CEP128: variants seen among roughly 807,000 people sequenced by gnomAD.
The protein encoded by CEP128 is centrosomal protein 128, also known as centrosomal protein 128kDa.
Under a neutral mutation model 156.7 loss-of-function variants are expected in CEP128, and 132 were observed. The observed-to-expected ratio is 0.84, with a 90% CI of 0.73 to 0.97. The LOEUF (loss-of-function observed/expected upper bound fraction) is 0.97. Ranked by LOEUF, CEP128 falls within the 50% of genes least tolerant of loss-of-function variation. The pLI is 0.00. For synonymous variants in CEP128, 469 were observed against 448.9 expected (o/e 1.04, Z -0.57); for missense variants, 1,252 against 1,281.9 (o/e 0.98, Z 0.36).
At chr14:80,676,853 T>G (rs1015330913) in intron 19 of CEP128, among the ~76,000 whole-genome samples, 1 of 152,200 alleles carries the variant, frequency 6.6e-6, no homozygotes, top group Non-Finnish European at 1.5e-5. Context: ...TTAAAATATA[T>G]TTGCAGATCT....
At chr14:80,508,089 T>C (rs991665395) in intron 23 of CEP128, among the ~76,000 whole-genome samples, 1 of 152,008 alleles carries the variant, frequency 6.6e-6, no homozygotes, top group Admixed American at 6.6e-5. Context: ...CTAATTTTTG[T>C]ATTTTTAGTA....
chr14:80,531,336 G>A (rs1889217550), intron 21 of CEP128, among the ~76,000 whole-genome samples: 1 of 152,156 alleles, frequency 6.6e-6, no homozygotes, highest in South Asian at 2.1e-4. Flanking sequence ...AGAGTTCTCA[G>A]CAATTATTTC....
intron 21 of CEP128, among the ~76,000 whole-genome samples, chr14:80,549,653 T>G (rs1295073219): frequency 6.6e-6 from 1 of 152,194 alleles, no homozygotes; most frequent in Non-Finnish European, 1.5e-5. Flanking sequence ...ATTTACATTA[T>G]CAAGTCAGTT....
intron 21 of CEP128, among the ~76,000 whole-genome samples, chr14:80,540,462 A>G (rs1889705508): frequency 6.6e-6 from 1 of 152,196 alleles, no homozygotes; most frequent in Non-Finnish European, 1.5e-5. Context: ...CTTTGCGGGA[A>G]TGAATAGTGA....
At chr14:80,627,662 A>G (rs952747865) in intron 19 of CEP128, among the ~76,000 whole-genome samples, 1 of 152,146 alleles carries the variant, frequency 6.6e-6, no homozygotes, top group Non-Finnish European at 1.5e-5. Flanking sequence ...GCAGGTTTGG[A>G]AGAATAAAAT....
chr14:80,929,970 T>G (rs1201900986), intron 2 of CEP128, among the ~76,000 whole-genome samples: 2 of 152,158 alleles, frequency 1.3e-5, no homozygotes, highest in Admixed American at 6.5e-5. Flanking sequence ...TCATCTGTAT[T>G]TACAGCTGCC....
chr14:80,589,019 A>G (rs979764487), intron 19 of CEP128, among the ~76,000 whole-genome samples: 3 of 152,170 alleles, frequency 2.0e-5, no homozygotes, highest in African/African-American at 7.2e-5. Flanking sequence ...TATCTTTAAT[A>G]TAAAGATTAT....
At chr14:80,515,898 C>T (rs1331492008) in intron 23 of CEP128, among the ~76,000 whole-genome samples, 2 of 152,102 alleles carry the variant, frequency 1.3e-5, no homozygotes, top group South Asian at 2.1e-4. Flanking sequence ...GATGGAGTTT[C>T]GCTTTTGTTG....
chr14:80,534,222 G>C (rs1429686952), intron 21 of CEP128, among the ~76,000 whole-genome samples: 1 of 107,688 alleles, frequency 9.3e-6, no homozygotes, highest in Non-Finnish European at 1.8e-5. Flanking sequence ...GAATAACATT[G>C]CAACTTTTTT....
chr14:80,797,752 A>T (rs566987560), intron 13 of CEP128, among the ~76,000 whole-genome samples: 3 of 152,322 alleles, frequency 2.0e-5, no homozygotes, highest in Admixed American at 6.5e-5. Flanking sequence ...CATAGAGCAC[A>T]TAAGTGTACA....
intron 4 of CEP128, among the ~76,000 whole-genome samples, chr14:80,913,455 A>C (rs1457277413): frequency 6.6e-6 from 1 of 152,202 alleles, no homozygotes; most frequent in Non-Finnish European, 1.5e-5. Flanking sequence ...TATGCTTGTA[A>C]ATACATAGAA....
chr14:80,561,875 A>C (rs1890688904), intron 20 of CEP128, among the ~76,000 whole-genome samples: 1 of 142,434 alleles, frequency 7.0e-6, no homozygotes, highest in African/African-American at 2.7e-5. Flanking sequence ...AGACAACTCC[A>C]TTTTGTTGAA....
At chr14:80,723,010 T>C (rs1010082698) in intron 19 of CEP128, among the ~76,000 whole-genome samples, 1 of 151,966 alleles carries the variant, frequency 6.6e-6, no homozygotes, top group African/African-American at 2.4e-5. Context: ...GTATTTTTAG[T>C]AGAGACGGGG....
chr14:80,856,843 G>A (rs1401740191), intron 9 of CEP128, among the ~76,000 whole-genome samples: 3 of 141,844 alleles, frequency 2.1e-5, no homozygotes, highest in Non-Finnish European at 4.5e-5. Context: ...CTATTCTCGT[G>A]CCTCAGACTC....
chr14:80,545,361 C>T (rs1213659768), intron 21 of CEP128, among the ~76,000 whole-genome samples: 3 of 152,118 alleles, frequency 2.0e-5, no homozygotes, highest in Admixed American at 2.0e-4. Flanking sequence ...GATGAGAGAG[C>T]CAGTTTACAT....
At chr14:80,782,229 C>A (rs921800146) in intron 15 of CEP128, among the ~76,000 whole-genome samples, 3 of 152,158 alleles carry the variant, frequency 2.0e-5, no homozygotes, top group Non-Finnish European at 2.9e-5. Context: ...AGTGTCCATC[C>A]CACAAGTTAA....
intron 19 of CEP128, among the ~76,000 whole-genome samples, chr14:80,694,180 G>C (rs1379805483): frequency 1.3e-5 from 2 of 152,158 alleles, no homozygotes; most frequent in African/African-American, 2.4e-5. Context: ...CTGGCCATTA[G>C]AGAAATGCAA....
At chr14:80,910,997 T>C (rs1037649317) in intron 4 of CEP128, among the ~76,000 whole-genome samples, 8 of 152,228 alleles carry the variant, frequency 5.3e-5, no homozygotes, top group African/African-American at 1.9e-4. Context: ...AACTAAATTT[T>C]AAAATTCTCA....
chr14:80,760,432 G>A (rs986211694), intron 17 of CEP128, among the ~76,000 whole-genome samples: 7 of 151,908 alleles, frequency 4.6e-5, no homozygotes, highest in Non-Finnish European at 1.0e-4. Flanking sequence ...TAGAAAAAAA[G>A]GCAGAGAGAA....
Sources: allele counts gnomAD v4.1 joint callset (sites outside exome capture counted in the v4.1 genomes callset), GRCh38; gene constraint gnomAD v4.1.1; transcripts MANE v1.5; gene names NCBI Gene and HGNC (gene_info 2026-07-23, HGNC 2026-07-21).